SUCLG2: variants seen among roughly 807,000 people sequenced by gnomAD.
SUCLG2 encodes the protein succinate-CoA ligase GDP-forming subunit beta.
Under a neutral mutation model 47.9 loss-of-function variants are expected in SUCLG2, and 42 were observed. The ratio of observed to expected loss-of-function variants is 0.88; its 90% CI spans 0.69 to 1.14. SUCLG2 has a LOEUF of 1.14. SUCLG2 is among the 50% of genes most tolerant of loss of function. SUCLG2 has a pLI of 0.00. For synonymous variants in SUCLG2, 195 were observed against 197.3 expected (o/e 0.99, Z 0.10); for missense variants, 571 against 525.9 (o/e 1.09, Z -0.84).
At position 67,609,449 on chromosome 3, in the gene SUCLG2, G is replaced by C. The variant is rs750445350; in HGVS notation, c.226+6C>G. 52 of 1,610,062 alleles carry C rather than the reference G, an allele frequency of 3.2e-5. No homozygotes were observed. The highest frequency in any genetic ancestry group is 3.1e-4 in the South Asian group (28 of 90,688). On this transcript the variant is annotated splice_donor_region_variant and intron_variant, in intron 2 of 10. Transcript: ENST00000307227. ...AGTGTATTTCACCCATTATGAATCA[G>C]CTTACTTAGTCTCTTAGCAGCCTCG...
intron 10 of SUCLG2, among the ~76,000 whole-genome samples, chr3:67,400,427 A>G (rs1456760050): frequency 6.6e-6 from 1 of 152,190 alleles, no homozygotes; most frequent in Admixed American, 6.5e-5. Context: ...ATTCTCAGAG[A>G]AACATTTCTC....
chr3:67,396,469 C>A (rs1702532905), intron 10 of SUCLG2, among the ~76,000 whole-genome samples: 1 of 151,982 alleles, frequency 6.6e-6, no homozygotes, highest in Non-Finnish European at 1.5e-5. Context: ...AAGACTAAAC[C>A]AGGAAGAAGT....
chr3:67,418,785 G>A (rs889431406), intron 9 of SUCLG2, among the ~76,000 whole-genome samples: 3 of 152,108 alleles, frequency 2.0e-5, no homozygotes, highest in African/African-American at 7.2e-5. Flanking sequence ...CTCTGTAGAG[G>A]TGGGGCTTCC....
In SUCLG2 at chr3:67,503,754, T is replaced by C. The variant is rs76741740; in HGVS notation, c.757+5053A>G. 4.5e-3 allele frequency among the ~76,000 whole-genome samples: 683 copies of C among 152,354 alleles called. 13 individuals are homozygous for C. In the East Asian group the frequency reaches 0.06, roughly 13 times the overall value. On this transcript the variant is annotated intron_variant, in intron 7 of 10. Transcript: ENST00000307227. The stretch of plus-strand genomic sequence containing the variant: ...CAAAAGCACATTGTTACATGCTTGA[T>C]AGATTATACAAATGTATTTTCCTTC...
intron 1 of SUCLG2, among the ~76,000 whole-genome samples, chr3:67,614,517 C>T (rs1700589760): frequency 6.6e-6 from 1 of 151,914 alleles, no homozygotes; most frequent in Non-Finnish European, 1.5e-5. Context: ...CTCTGTGTTG[C>T]CTCCCAAGCC....
intron 2 of SUCLG2, among the ~76,000 whole-genome samples, chr3:67,573,836 C>T (rs946896930): frequency 6.6e-6 from 1 of 151,992 alleles, no homozygotes; most frequent in South Asian, 2.1e-4. Flanking sequence ...AAATTGTCTG[C>T]GAGCCTGAAT....
At chr3:67,496,689 TAG>T (rs888035044) in intron 8 of SUCLG2, among the ~76,000 whole-genome samples, 1 of 152,078 alleles carries the variant, frequency 6.6e-6, no homozygotes, top group Non-Finnish European at 1.5e-5. Context: ...AGAAAGTAGG[TAG>T]AGAGTTTTAA....
intron 7 of SUCLG2, among the ~76,000 whole-genome samples, chr3:67,506,084 A>C (rs138772422): frequency 6.4e-4 from 98 of 152,334 alleles, no homozygotes; most frequent in African/African-American, 2.1e-3. Flanking sequence ...CAAAGTTTCA[A>C]TGTGGAAATT....
intron 7 of SUCLG2, among the ~76,000 whole-genome samples, chr3:67,499,499 T>C (rs61236246): frequency 0.12 from 18,169 of 152,094 alleles, 1,426 homozygotes; most frequent in East Asian, 0.38. Flanking sequence ...TTTCTGGAGC[T>C]GGTGGAAATC....
chr3:67,506,581 C>G (rs1655221903), intron 7 of SUCLG2, among the ~76,000 whole-genome samples: 4 of 152,150 alleles, frequency 2.6e-5, no homozygotes, highest in Admixed American at 2.6e-4. Flanking sequence ...TTCCCATACC[C>G]CTGTTCCCTG....
chr3:67,583,010 G>T (rs866957691), intron 2 of SUCLG2, among the ~76,000 whole-genome samples: 1 of 152,218 alleles, frequency 6.6e-6, no homozygotes, highest in Middle Eastern at 3.4e-3. Flanking sequence ...GGTAGTGAAT[G>T]GCAGTTACTT....
At chr3:67,408,727 A>G in intron 9 of SUCLG2, 1 of 1,299,680 alleles carries the variant, frequency 7.7e-7, no homozygotes, top group Non-Finnish European at 9.7e-7. Flanking sequence ...TGTATGGAGG[A>G]TTAAGGTTTA....
At chr3:67,505,250 C>T (rs935594371) in intron 7 of SUCLG2, among the ~76,000 whole-genome samples, 6 of 152,186 alleles carry the variant, frequency 3.9e-5, no homozygotes, top group Non-Finnish European at 8.8e-5. Flanking sequence ...TGGAGGCAAG[C>T]AGGGCTGGAG....
chr3:67,514,166 T>C (rs1575746995), intron 6 of SUCLG2: 1 of 306,322 alleles, frequency 3.3e-6, no homozygotes, highest in East Asian at 8.2e-5. Flanking sequence ...TCAGCAAATG[T>C]CTATCCTAAT....
intron 2 of SUCLG2, among the ~76,000 whole-genome samples, chr3:67,604,545 G>A (rs1708487054): frequency 6.6e-6 from 1 of 152,154 alleles, no homozygotes; most frequent in Non-Finnish European, 1.5e-5. Flanking sequence ...TTCCTTGCTT[G>A]TAAAATGACA....
intron 2 of SUCLG2, among the ~76,000 whole-genome samples, chr3:67,547,609 C>A (rs371076145): frequency 6.6e-6 from 1 of 152,238 alleles, no homozygotes; most frequent in East Asian, 1.9e-4. Context: ...GGGGAGGGGG[C>A]AGATCTTGCT....
At chr3:67,430,659 A>T (rs1482428666) in intron 9 of SUCLG2, among the ~76,000 whole-genome samples, 1 of 152,206 alleles carries the variant, frequency 6.6e-6, no homozygotes, top group Non-Finnish European at 1.5e-5. Flanking sequence ...CAATGAATCC[A>T]GGAGTTGGTT....
intron 2 of SUCLG2, among the ~76,000 whole-genome samples, chr3:67,588,199 A>G (rs915053031): frequency 1.3e-5 from 2 of 152,226 alleles, no homozygotes; most frequent in Non-Finnish European, 2.9e-5. Context: ...TTAATAGTAA[A>G]ATGAAAATCA....
rs115419802 is a variant in SUCLG2, at chr3:67,535,077, G to A, written c.227-5891C>T. ...TCAAGAGGTGCTGGAAACAGTCATG[G>A]AAGATGAAAAGCATTTATGAAAGCC... On this transcript the variant is annotated intron_variant, in intron 2 of 10. Transcript: ENST00000307227. 7.1e-3 allele frequency among the ~76,000 whole-genome samples: 1,082 copies of A among 152,210 alleles called. 9 individuals are homozygous for A. Among genetic ancestry groups the A allele is most frequent in the African/African-American group, 0.025 (1,037 of 41,518 alleles).
Sources: allele counts gnomAD v4.1 joint callset (sites outside exome capture counted in the v4.1 genomes callset), GRCh38; gene constraint gnomAD v4.1.1; transcripts MANE v1.5; gene names NCBI Gene and HGNC (gene_info 2026-07-23, HGNC 2026-07-21).